The following ZNF518A variants were observed in gnomAD, a reference collection of about 807,000 sequenced individuals.
The protein encoded by ZNF518A is zinc finger protein 518.
In ZNF518A, 47 loss-of-function variants were observed where a neutral mutation model predicts 102.7. The ratio of observed to expected loss-of-function variants is 0.46; its 90% CI spans 0.36 to 0.58. ZNF518A has a LOEUF of 0.58. ZNF518A is among the 20% of genes least tolerant of loss of function. The probability of loss-of-function intolerance (pLI) is 0.00; values close to 1 mark genes in which losing one functional copy is unlikely to be tolerated. For missense variants in ZNF518A, 1,793 were observed against 1,699.8 expected (o/e 1.05, Z -0.96); for synonymous variants, 652 against 594.6 (o/e 1.10, Z -1.40).
chr10:96,186,551 C>A (rs986441255), intron 1 of ZNF518A, among the ~76,000 whole-genome samples: 1 of 152,124 alleles, frequency 6.6e-6, no homozygotes, highest in Non-Finnish European at 1.5e-5. Flanking sequence ...GTATGTACCA[C>A]CATGCCCAGC....
intron 1 of ZNF518A, chr10:96,196,984 C>T (rs372532123): frequency 5.6e-6 from 9 of 1,612,934 alleles, no homozygotes; most frequent in African/African-American, 4.0e-5. Flanking sequence ...ATTATATACT[C>T]GCTTATTAAA....
At chr10:96,148,278 T>C (rs2082262376) in intron 3 of ZNF518A, among the ~76,000 whole-genome samples, 1 of 152,126 alleles carries the variant, frequency 6.6e-6, no homozygotes, top group Admixed American at 6.6e-5. Context: ...ATGTCTCTAC[T>C]AAAAATACAA....
rs1554892910 is a variant in ZNF518A at position 96,189,090 on chromosome 10, C to T, written n.36-14484C>T. 2.0e-5 allele frequency among the ~76,000 whole-genome samples: 3 copies of T among 152,100 alleles called. No individual in the cohort carries two copies. The South Asian group carries it at 6.2e-4, about 32-fold the overall frequency. ...TAGTTCACATGTATATTTTTGTCTCCCCACCATTTCCATGTTCTGACCACT... is the reference window on the plus strand; with the variant it reads ...TAGTTCACATGTATATTTTTGTCTCTCCACCATTTCCATGTTCTGACCACT... On this transcript the variant is annotated intron_variant and non_coding_transcript_variant, in intron 1 of 2. Transcript: ENST00000442635.
At chr10:96,199,963 G>T in intron 1 of ZNF518A, 1 of 657,232 alleles carries the variant, frequency 1.5e-6, no homozygotes, top group Non-Finnish European at 2.2e-6. Flanking sequence ...GGCAGGCAGA[G>T]GTTGCAGTGA....
intron 3 of ZNF518A, among the ~76,000 whole-genome samples, chr10:96,144,945 A>C (rs1554877848): frequency 6.6e-6 from 1 of 152,262 alleles, no homozygotes; most frequent in African/African-American, 2.4e-5. Flanking sequence ...GCATATAGAA[A>C]TAAATATATA....
At chr10:96,203,796 G>T (rs2083720321) in intron 2 of ZNF518A, 3 of 282,102 alleles carry the variant, frequency 1.1e-5, no homozygotes, top group South Asian at 8.9e-5. Context: ...AAAAAAAAAA[G>T]TTAAAAAAGG....
In ZNF518A at chr10:96,162,527, T is replaced by TG. The variant is rs1554888589; in HGVS notation, c.*1754dup. On this transcript the variant is annotated 3_prime_UTR_variant, in exon 6 of 6. Coordinates refer to ENST00000316045, the MANE Select transcript of ZNF518A (RefSeq NM_001330736.2). ...GCTATCTTGCTATGCACATTATACT[T>TG]GTACTGTTTTGTGCAGTTTGTCTAC... 6.0e-6 allele frequency: 1 copy of TG among 166,932 alleles called. No individual in the cohort carries two copies. The highest frequency in any genetic ancestry group is 1.5e-5 in the Non-Finnish European group (1 of 68,024). The allele number at this position is 166,932 out of a possible 1,614,324, so 10.3% of individuals were successfully genotyped here.
intron 3 of ZNF518A, among the ~76,000 whole-genome samples, chr10:96,150,095 C>T (rs895692371): frequency 1.7e-4 from 26 of 150,520 alleles, no homozygotes; most frequent in Admixed American, 1.6e-3. Context: ...GAGGCTGAGA[C>T]GGGCAGATCA....
At chr10:96,178,291 C>T (rs2083217795) in intron 1 of ZNF518A, among the ~76,000 whole-genome samples, 1 of 152,046 alleles carries the variant, frequency 6.6e-6, no homozygotes, top group South Asian at 2.1e-4. Flanking sequence ...AGAAATCAAT[C>T]TCAGAACAAT....
At chr10:96,203,971 G>T in exon 3 of ZNF518A, 1 of 1,130,712 alleles carries the variant, frequency 8.8e-7, no homozygotes, top group Non-Finnish European at 1.3e-6. Flanking sequence ...GGAAGCGACA[G>T]TGCTGTGTTA....
chr10:96,146,372 T>G (rs1287797677), intron 3 of ZNF518A, among the ~76,000 whole-genome samples: 1 of 152,240 alleles, frequency 6.6e-6, no homozygotes, highest in Non-Finnish European at 1.5e-5. Flanking sequence ...CAAACTGTTC[T>G]TTATAAAGGT....
At chr10:96,145,070 G>GTTGTTGTTGTTGTTGTT (rs2082109615) in intron 3 of ZNF518A, among the ~76,000 whole-genome samples, 1 of 151,808 alleles carries the variant, frequency 6.6e-6, no homozygotes, top group East Asian at 1.9e-4. Flanking sequence ...ATGTTTTGTT[G>GTTGTTGTTGTTGTTGTT]TTGTTGTTGT....
At chr10:96,150,560 T>C (rs1490836337) in intron 3 of ZNF518A, among the ~76,000 whole-genome samples, 1 of 148,636 alleles carries the variant, frequency 6.7e-6, no homozygotes, top group African/African-American at 2.5e-5. Context: ...AAAAAAAAAC[T>C]TAGGTACAAT....
At chr10:96,132,055 C>T (rs1554872165) in intron 1 of ZNF518A, among the ~76,000 whole-genome samples, 1 of 151,132 alleles carries the variant, frequency 6.6e-6, no homozygotes, top group Non-Finnish European at 1.5e-5. Context: ...TGAATCTTGC[C>T]CACATTCCTT....
rs376017943 is a variant in ZNF518A, at chr10:96,157,614, A to G, written c.1292A>G (p.Asn431Ser). Residue 431 changes from asparagine to serine, a missense_variant, in exon 6 of 6, where the codon AAT becomes AGT. Physicochemically the swap from Asn to Ser is conservative, Grantham distance 46. Around this residue, in one of 3 missense-constraint regions of ZNF518A, gnomAD observed 1,741 missense variants for 1,622.6 expected, o/e 1.07. Coordinates refer to ENST00000316045, the MANE Select transcript of ZNF518A (RefSeq NM_001330736.2). ...GPTLKNVMMK[N>S]NKLAVSPNYN... is the part of the protein sequence containing the mutation. ...ACACTGAAAAATGTAATGATGAAAA[A>G]TAATAAACTAGCAGTTTCCCCTAAC... The G allele has an allele frequency of 2.5e-6, 4 of 1,613,734 alleles. No homozygotes were observed. The highest frequency in any genetic ancestry group is 2.7e-5 in the African/African-American group (2 of 74,918).
At position 96,184,938 on chromosome 10, in the gene ZNF518A, C is replaced by G. The variant is rs587689484; in HGVS notation, n.36-18636C>G. 2.0e-5 allele frequency among the ~76,000 whole-genome samples: 3 copies of G among 152,304 alleles called. No individual in the cohort carries two copies. In the South Asian group the frequency reaches 6.2e-4, roughly 32 times the overall value. On this transcript the variant is annotated intron_variant and non_coding_transcript_variant, in intron 1 of 2. Transcript: ENST00000442635. ...ATTCTCCCTGTCACTTTCAGGTACA[C>G]CAATCAAACGTAGATTTGGTCTTTT...
In ZNF518A at chr10:96,160,827, A is replaced by G; in HGVS notation, c.*53A>G. ...AGTAAAATTACCTTAGAAGAAAACA[A>G]CGGGTTCAGTTACCATAATGCAGAC... On this transcript the variant is annotated 3_prime_UTR_variant, in exon 6 of 6. Coordinates refer to ENST00000316045, the MANE Select transcript of ZNF518A (RefSeq NM_001330736.2). 4.1e-6 allele frequency: 6 copies of G among 1,454,994 alleles called. No homozygotes were observed. The highest frequency in any genetic ancestry group is 3.0e-5 in the Admixed American group (1 of 33,774). 90.1% of individuals were successfully genotyped at this position (1,454,994 alleles called of 1,614,324 possible).
chr10:96,144,152 A>G (rs1450102659), intron 3 of ZNF518A, among the ~76,000 whole-genome samples: 1 of 151,974 alleles, frequency 6.6e-6, no homozygotes, highest in Non-Finnish European at 1.5e-5. Context: ...TGCTCAGCTA[A>G]TTTTTGTATT....
Position 96,159,781 on chromosome 10 carries a change from T to A in ZNF518A, c.3459T>A (p.Asn1153Lys). ...ILLKIFNPVLNVTAANNLSVS... is the reference protein window; with the variant it reads ...ILLKIFNPVLKVTAANNLSVS... ...TGAAAATTTTTAACCCTGTTTTAAA[T>A]GTGACTGCTGCTAATAATCTGTCAG... is the stretch of plus-strand genomic sequence containing the variant. Residue 1153 changes from asparagine (N) to lysine (K), a missense_variant, in exon 6 of 6, where the codon AAT (asparagine) becomes AAA (lysine). Around this residue, in one of 3 missense-constraint regions of ZNF518A, gnomAD observed 1,741 missense variants for 1,622.6 expected, o/e 1.07. Transcript: ENST00000316045. 6.2e-7 allele frequency: 1 copy of A among 1,613,642 alleles called. No homozygotes were observed. The highest frequency in any genetic ancestry group is 8.5e-7 in the Non-Finnish European group (1 of 1,179,772).
Sources: allele counts gnomAD v4.1 joint callset (sites outside exome capture counted in the v4.1 genomes callset), GRCh38; gene constraint gnomAD v4.1.1; regional missense constraint gnomAD v4.1.1; transcripts MANE v1.5; gene names NCBI Gene and HGNC (gene_info 2026-07-23, HGNC 2026-07-21).